Variants in ZCWPW2 observed in about 807,000 individuals in gnomAD.
ZCWPW2 encodes zinc finger CW-type PWWP domain protein 2.
A neutral mutation model predicts 46.6 loss-of-function variants in ZCWPW2; 45 were observed. That is an observed-to-expected ratio of 0.96 (90% CI 0.76 to 1.24). The LOEUF (loss-of-function observed/expected upper bound fraction) is 1.24. Among genes scored for constraint, ZCWPW2 ranks in the 50% most tolerant of loss-of-function variants. ZCWPW2 has a pLI of 0.00. For synonymous variants in ZCWPW2, 152 were observed against 137.1 expected, an observed-to-expected ratio of 1.11 and a Z score of -0.76; for missense variants, 429 against 403.9, an observed-to-expected ratio of 1.06 and a Z score of -0.53.
At chr3:28,350,902 A>G (rs962272690) in intron 1 of ZCWPW2, among the ~76,000 whole-genome samples, 2 of 151,864 alleles carry the variant, frequency 1.3e-5, no homozygotes, top group Non-Finnish European at 2.9e-5. Flanking sequence ...ACTGATAGCC[A>G]ACTAGTTCAG....
chr3:28,398,230 G>A (rs1324417549), intron 2 of ZCWPW2: 1 of 152,092 alleles, frequency 6.6e-6, no homozygotes, highest in Admixed American at 6.6e-5. Context: ...GTGAAGAGTC[G>A]AGGTAAAAAG....
chr3:28,496,363 A>G (rs1699992420), intron 6 of ZCWPW2, among the ~76,000 whole-genome samples: 1 of 152,110 alleles, frequency 6.6e-6, no homozygotes, highest in Non-Finnish European at 1.5e-5. Flanking sequence ...GCAAGATTAT[A>G]AAACATTTCC....
intron 2 of ZCWPW2, among the ~76,000 whole-genome samples, chr3:28,396,897 G>C (rs1457319324): frequency 6.6e-6 from 1 of 152,206 alleles, no homozygotes; most frequent in African/African-American, 2.4e-5. Flanking sequence ...TGGAGGCTGA[G>C]GTGGATGGAT....
chr3:28,442,463 T>C (rs1316664852), intron 4 of ZCWPW2, among the ~76,000 whole-genome samples: 1 of 152,204 alleles, frequency 6.6e-6, no homozygotes, highest in African/African-American at 2.4e-5. Flanking sequence ...AATGGACCAG[T>C]GTGATATCTC....
chr3:28,486,219 G>A, intron 5 of ZCWPW2, among the ~76,000 whole-genome samples: 1 of 152,106 alleles, frequency 6.6e-6, no homozygotes, highest in Non-Finnish European at 1.5e-5. Context: ...GACAGACTAT[G>A]CCTTCTCATC....
At chr3:28,394,982 G>C (rs1035930411) in intron 2 of ZCWPW2, among the ~76,000 whole-genome samples, 1 of 152,092 alleles carries the variant, frequency 6.6e-6, no homozygotes, top group Non-Finnish European at 1.5e-5. Context: ...TATGGAGTGG[G>C]AGAAAGTATT....
At chr3:28,368,242 G>T (rs547600429) in intron 1 of ZCWPW2, among the ~76,000 whole-genome samples, 1 of 152,074 alleles carries the variant, frequency 6.6e-6, no homozygotes, top group African/African-American at 2.4e-5. Context: ...TCCTAGCCTC[G>T]ATGGTCTTTA....
At chr3:28,394,413 G>A (rs1207153858) in intron 2 of ZCWPW2, among the ~76,000 whole-genome samples, 2 of 151,986 alleles carry the variant, frequency 1.3e-5, no homozygotes, top group South Asian at 2.1e-4. Flanking sequence ...GAAATAGACA[G>A]TAAAATCCTA....
intron 1 of ZCWPW2, among the ~76,000 whole-genome samples, chr3:28,385,668 C>T (rs74571644): frequency 6.6e-6 from 1 of 152,262 alleles, no homozygotes; most frequent in East Asian, 1.9e-4. Context: ...AAATTGATTG[C>T]TGTAGGCTCT....
At chr3:28,492,843 A>G (rs1303942621) in intron 6 of ZCWPW2, among the ~76,000 whole-genome samples, 3 of 152,076 alleles carry the variant, frequency 2.0e-5, no homozygotes, top group Non-Finnish European at 4.4e-5. Context: ...GTGCCACAAT[A>G]AAAGGAATTA....
rs186655026 is a variant in ZCWPW2, at chr3:28,465,875, A to G, written c.493-12939A>G. Among the ~76,000 whole-genome samples, 175 of 152,310 alleles carry G rather than the reference A, an allele frequency of 1.1e-3. 3 individuals carry two copies. The East Asian group carries it at 0.026, about 22-fold the overall frequency. On this transcript the variant is annotated intron_variant, in intron 4 of 9. Coordinates refer to ENST00000383768, the MANE Select transcript of ZCWPW2 (RefSeq NM_001040432.4). Reference sequence around the variant, plus strand: ...CTTTCTGCCTTAAAGACACAAGCCCATGAATGTTCATCACAGCATCATTCA... The same window carrying G: ...CTTTCTGCCTTAAAGACACAAGCCCGTGAATGTTCATCACAGCATCATTCA...
chr3:28,515,788 C>T (rs893166629), intron 8 of ZCWPW2, among the ~76,000 whole-genome samples, 167 bp downstream of exon 8: 2 of 144,620 alleles, frequency 1.4e-5, no homozygotes, highest in Non-Finnish European at 2.9e-5. Context: ...TACATTTTTA[C>T]ACATATATAT....
intron 3 of ZCWPW2, among the ~76,000 whole-genome samples, chr3:28,423,422 A>G (rs996743069): frequency 7.3e-6 from 1 of 137,650 alleles, no homozygotes. Context: ...ACTGGAGTGC[A>G]GTGGTGCGAT....
At chr3:28,508,213 A>G (rs1240874330) in intron 6 of ZCWPW2, among the ~76,000 whole-genome samples, 2 of 152,134 alleles carry the variant, frequency 1.3e-5, no homozygotes, top group East Asian at 1.9e-4. Context: ...ATTTACCCCT[A>G]TAACCCAAAC....
intron 1 of ZCWPW2, among the ~76,000 whole-genome samples, chr3:28,360,599 C>A (rs1469351625): frequency 1.4e-5 from 2 of 147,752 alleles, no homozygotes; most frequent in Non-Finnish European, 3.0e-5. Context: ...ATTGATGAAA[C>A]CAAGGGGCAA....
At chr3:28,499,724 C>T (rs1700090571) in intron 6 of ZCWPW2, among the ~76,000 whole-genome samples, 1 of 152,076 alleles carries the variant, frequency 6.6e-6, no homozygotes, top group South Asian at 2.1e-4. Context: ...AGTCTTTGCC[C>T]ATGCCTATTT....
chr3:28,420,356 T>G (rs1696719680), intron 3 of ZCWPW2, among the ~76,000 whole-genome samples: 1 of 152,092 alleles, frequency 6.6e-6, no homozygotes. Context: ...TCTCGTTGGT[T>G]TCAAAGAACA....
At chr3:28,360,969 A>G (rs765693296) in intron 1 of ZCWPW2, among the ~76,000 whole-genome samples, 4 of 152,198 alleles carry the variant, frequency 2.6e-5, no homozygotes, top group Non-Finnish European at 4.4e-5. Flanking sequence ...CACCTAACAC[A>G]CATAGCCCAA....
At chr3:28,453,636 T>G (rs1176506733) in intron 4 of ZCWPW2, among the ~76,000 whole-genome samples, 1 of 151,968 alleles carries the variant, frequency 6.6e-6, no homozygotes, top group African/African-American at 2.4e-5. Flanking sequence ...GCCCTGAGAG[T>G]CATTTCCCTT....
Sources: gnomAD v4.1 joint callset for allele counts (sites outside exome capture counted in the v4.1 genomes callset) on GRCh38, gnomAD v4.1.1 for gene constraint, MANE v1.5 for transcripts, NCBI Gene and HGNC (gene_info 2026-07-23, HGNC 2026-07-21) for gene names.